FANCC: variants seen among roughly 807,000 people sequenced by gnomAD.
FANCC encodes the protein Fanconi anemia group C protein.
A neutral mutation model predicts 71.3 loss-of-function variants in FANCC; 55 were observed. The observed-to-expected ratio is 0.77, with a 90% CI of 0.62 to 0.97. The LOEUF is 0.97. Ranked by LOEUF, FANCC falls within the 50% of genes least tolerant of loss-of-function variation. The pLI, the probability that FANCC is intolerant of heterozygous loss-of-function variation, is 0.00. For missense variants in FANCC, 678 were observed against 670.9 expected, an observed-to-expected ratio of 1.01 and a Z score of -0.12; for synonymous variants, 275 against 244.9, an observed-to-expected ratio of 1.12 and a Z score of -1.15.
At chr9:95,259,684 T>A (rs1032634063) in intron 1 of FANCC, among the ~76,000 whole-genome samples, 1 of 152,016 alleles carries the variant, frequency 6.6e-6, no homozygotes, top group Non-Finnish European at 1.5e-5. Context: ...AAGCTAAAAT[T>A]GACAAATGGG....
chr9:95,237,175 G>A (rs1176113831), intron 4 of FANCC, among the ~76,000 whole-genome samples: 1 of 152,142 alleles, frequency 6.6e-6, no homozygotes, highest in Admixed American at 6.5e-5. Flanking sequence ...GGCTTGCTTG[G>A]TAACTGAGGA....
chr9:95,110,723 AACT>A, intron 13 of FANCC: 1 of 750,208 alleles, frequency 1.3e-6, no homozygotes, highest in Non-Finnish European at 1.6e-6. Flanking sequence ...TGTCCTCTTT[AACT>A]ACTAAGATCA....
intron 14 of FANCC, among the ~76,000 whole-genome samples, chr9:95,104,118 T>C (rs1321500762): frequency 6.6e-6 from 1 of 152,200 alleles, no homozygotes; most frequent in African/African-American, 2.4e-5. Flanking sequence ...TCCAAGGTGC[T>C]GTCGGCAGAG....
intron 4 of FANCC, among the ~76,000 whole-genome samples, chr9:95,225,986 C>T (rs1829587965): frequency 6.6e-6 from 1 of 152,140 alleles, no homozygotes; most frequent in African/African-American, 2.4e-5. Context: ...CTGATCACAA[C>T]AAATGGACTT....
chr9:95,307,554 C>G (rs989884926), intron 1 of FANCC, among the ~76,000 whole-genome samples: 2 of 152,116 alleles, frequency 1.3e-5, no homozygotes, highest in African/African-American at 4.8e-5. Flanking sequence ...CCATTTTTTT[C>G]TAAGTGTTAG....
intron 4 of FANCC, among the ~76,000 whole-genome samples, chr9:95,183,368 G>A (rs570716055): frequency 6.6e-6 from 1 of 152,266 alleles, no homozygotes; most frequent in East Asian, 1.9e-4. Context: ...CTGCCTCGCT[G>A]TCCTTCACAT....
intron 10 of FANCC, among the ~76,000 whole-genome samples, chr9:95,120,121 T>C (rs972841810): frequency 2.0e-5 from 3 of 152,230 alleles, no homozygotes; most frequent in Admixed American, 6.5e-5. Context: ...TATCCTATGC[T>C]CTCTCTAGGG....
At position 95,172,048 on chromosome 9, in the gene FANCC, A is replaced by C; in HGVS notation, c.445T>G (p.Leu149Val). The C allele has an allele frequency of 6.2e-7, 1 of 1,604,620 alleles. No homozygotes were observed. The highest frequency in any genetic ancestry group is 8.5e-7 in the Non-Finnish European group (1 of 1,171,500). Residue 149 changes from leucine to valine, a missense_variant, in exon 5 of 15, where the codon TTG (leucine) becomes GTG (valine). Transcript: ENST00000289081. ...TTTTAAATACTCACATTTTTAAGCAAACCAGGATAGTAATCTATAGGTGCA... is the reference window on the plus strand; with the variant it reads ...TTTTAAATACTCACATTTTTAAGCACACCAGGATAGTAATCTATAGGTGCA... ...GYAPIDYYPG[L>V]LKNMVLSLAS... is the part of the protein sequence containing the mutation.
chr9:95,307,780 C>T (rs1170474977), intron 1 of FANCC, among the ~76,000 whole-genome samples: 2 of 152,208 alleles, frequency 1.3e-5, no homozygotes. Flanking sequence ...TCACTCCTGC[C>T]AGTTGCTGCT....
rs1554842441 is a variant in FANCC at position 95,170,679 on chromosome 9, T to TGTGTGTGTG, written c.521+399_521+400insCACACACAC. 9.3e-4 allele frequency among the ~76,000 whole-genome samples: 135 copies of TGTGTGTGTG among 144,678 alleles called. 1 individual carries two copies. The highest frequency in any genetic ancestry group is 1.4e-3 in the East Asian group (7 of 4,970). 94.9% of individuals were successfully genotyped at this position (144,678 alleles called of 152,430 possible). A position where few individuals can be genotyped will look rare whatever the true frequency, so the allele number is the denominator to read the frequency against. Reference sequence around the variant, plus strand: ...GTGTGTGTGTGTGTGTGTGTGTGTGTTGGGAGCAGAAGAAGGCAGAGCCAG... The same window carrying TGTGTGTGTG: ...GTGTGTGTGTGTGTGTGTGTGTGTGTGTGTGTGTGTGGGAGCAGAAGAAGGCAGAGCCAG... On this transcript the variant is annotated intron_variant, in intron 6 of 14. Transcript: ENST00000289081.
chr9:95,308,424 C>G (rs1376849998), intron 1 of FANCC, among the ~76,000 whole-genome samples: 1 of 149,448 alleles, frequency 6.7e-6, no homozygotes, highest in Non-Finnish European at 1.5e-5. Context: ...GCTGGGATTA[C>G]AGGCACATGT....
chr9:95,117,281 C>A (rs769291961), intron 11 of FANCC, 34 bp downstream of exon 11: 2 of 1,593,958 alleles, frequency 1.3e-6, no homozygotes, highest in South Asian at 2.2e-5. Context: ...CCCAGGAAAT[C>A]ATTCTGATGT....
chr9:95,187,248 G>A (rs1260048378), intron 4 of FANCC, among the ~76,000 whole-genome samples: 16 of 152,114 alleles, frequency 1.1e-4, no homozygotes, highest in African/African-American at 3.6e-4. Context: ...ATCTGAAGTC[G>A]CAGTTCGGAT....
At chr9:95,256,576 C>CA (rs1831671009) in intron 1 of FANCC, among the ~76,000 whole-genome samples, 3 of 149,778 alleles carry the variant, frequency 2.0e-5, no homozygotes, top group African/African-American at 7.3e-5. Context: ...CCAGCCACCG[C>CA]AAAAAAATAC....
intron 1 of FANCC, among the ~76,000 whole-genome samples, chr9:95,308,751 GTGTAGAAC>G (rs1835213077): frequency 6.6e-6 from 1 of 152,198 alleles, no homozygotes; most frequent in African/African-American, 2.4e-5. Flanking sequence ...CAGCACACAC[GTGTAGAAC>G]TAAATGAAGA....
chr9:95,201,664 T>C (rs967469392), intron 4 of FANCC, among the ~76,000 whole-genome samples: 1 of 152,148 alleles, frequency 6.6e-6, no homozygotes, highest in Non-Finnish European at 1.5e-5. Context: ...GGAAAAAAAT[T>C]TGTGCCACCA....
chr9:95,183,919 C>A (rs1826543950), intron 4 of FANCC, among the ~76,000 whole-genome samples: 1 of 152,214 alleles, frequency 6.6e-6, no homozygotes, highest in Non-Finnish European at 1.5e-5. Flanking sequence ...TTAGTTCCAT[C>A]CGATACACTC....
intron 1 of FANCC, among the ~76,000 whole-genome samples, chr9:95,295,961 C>G (rs1834348716): frequency 6.6e-6 from 1 of 151,974 alleles, no homozygotes; most frequent in South Asian, 2.1e-4. Context: ...AAGAGTAGAG[C>G]TTATATTAAG....
chr9:95,122,817 T>C (rs1303423596), intron 10 of FANCC, among the ~76,000 whole-genome samples: 4 of 152,116 alleles, frequency 2.6e-5, no homozygotes, highest in South Asian at 4.2e-4. Flanking sequence ...CCGTTCCTAA[T>C]GGGGTCTACA....
Sources: allele counts gnomAD v4.1 joint callset (sites outside exome capture counted in the v4.1 genomes callset), GRCh38; gene constraint gnomAD v4.1.1; transcripts MANE v1.5; gene names NCBI Gene and HGNC (gene_info 2026-07-23, HGNC 2026-07-21).